ZNRF1: variants seen among roughly 807,000 people sequenced by gnomAD.
ZNRF1 encodes E3 ubiquitin-protein ligase ZNRF1.
Under a neutral mutation model 18.4 loss-of-function variants are expected in ZNRF1, and 3 were observed. That is an observed-to-expected ratio of 0.16 (90% CI 0.07 to 0.42). The LOEUF (loss-of-function observed/expected upper bound fraction) is 0.42, where lower values mean the gene tolerates loss of function less well. Ranked by LOEUF, ZNRF1 falls within the 10% of genes least tolerant of loss-of-function variation. The probability of loss-of-function intolerance (pLI) is 0.99; values close to 1 mark genes in which losing one functional copy is unlikely to be tolerated. For missense variants in ZNRF1, 310 were observed against 329.8 expected (o/e 0.94, Z 0.47); for synonymous variants, 157 against 144.2 (o/e 1.09, Z -0.64).
At chr16:75,060,473 C>CTTTTTTTTTTTTTTTTTTTTTTTT (rs34182819) in intron 1 of ZNRF1, among the ~76,000 whole-genome samples, 2 of 70,248 alleles carry the variant, frequency 2.8e-5, no homozygotes, top group Non-Finnish European at 5.2e-5. Flanking sequence ...CTCAGAAAAT[C>CTTTTTTTTTTTTTTTTTTTTTTTT]TTTTTTTTTT....
At chr16:75,035,939 G>A (rs1346224525) in intron 1 of ZNRF1, among the ~76,000 whole-genome samples, 1 of 152,130 alleles carries the variant, frequency 6.6e-6, no homozygotes, top group Non-Finnish European at 1.5e-5. Context: ...AGAGCTTATT[G>A]GGATCACCAG....
chr16:75,081,034 G>A (rs990308358), intron 1 of ZNRF1, among the ~76,000 whole-genome samples: 6 of 152,086 alleles, frequency 3.9e-5, no homozygotes, highest in African/African-American at 9.7e-5. Context: ...TTAGCCGGGC[G>A]TGGTGGTGCG....
chr16:75,034,289 A>C lies in ZNRF1; in HGVS notation c.424+34194A>C, dbSNP rs577479666. On this transcript the variant is annotated intron_variant, in intron 1 of 4. Coordinates refer to ENST00000335325, the MANE Select transcript of ZNRF1 (RefSeq NM_032268.5). Reference sequence around the variant, plus strand: ...GCCAAACTATAACTCTGTACCCATTAAACAACTGCTTTCCATTTCCCTCTC... The same window carrying C: ...GCCAAACTATAACTCTGTACCCATTCAACAACTGCTTTCCATTTCCCTCTC... 9.8e-5 allele frequency among the ~76,000 whole-genome samples: 15 copies of C among 152,322 alleles called. No homozygotes were observed. The South Asian group carries it at 2.5e-3, about 25-fold the overall frequency.
rs1474354734 is a variant in ZNRF1 at position 75,106,555 on chromosome 16, G to A, written c.*16G>A. On this transcript the variant is annotated 3_prime_UTR_variant, in exon 4 of 5. Coordinates refer to ENST00000335325, the MANE Select transcript of ZNRF1 (RefSeq NM_032268.5). The stretch of plus-strand genomic sequence containing the variant: ...TGCGGACTGACCTGCGGGCTTGCTT[G>A]CTGACTCCTCTCAAAGGTGAGCCCG... 5.6e-6 allele frequency: 9 copies of A among 1,613,970 alleles called. No individual in the cohort carries two copies. The highest frequency in any genetic ancestry group is 1.3e-5 in the African/African-American group (1 of 74,912).
intron 1 of ZNRF1, among the ~76,000 whole-genome samples, chr16:75,002,973 G>T (rs1164384454): frequency 6.6e-6 from 1 of 152,050 alleles, no homozygotes; most frequent in African/African-American, 2.4e-5. Context: ...TTTTTTTTGA[G>T]ACAGAGTTTC....
intron 1 of ZNRF1, among the ~76,000 whole-genome samples, chr16:75,058,204 C>T (rs1434721342): frequency 6.6e-6 from 1 of 151,340 alleles, no homozygotes; most frequent in Non-Finnish European, 1.5e-5. Context: ...AACTCCTGGT[C>T]CCATGCAGTC....
intron 1 of ZNRF1, among the ~76,000 whole-genome samples, chr16:75,002,720 G>C (rs182177880): frequency 1.3e-5 from 2 of 152,284 alleles, no homozygotes; most frequent in East Asian, 3.9e-4. Flanking sequence ...TCACCCTCAC[G>C]AGCTCCAGCC....
At chr16:75,104,713 C>A in intron 2 of ZNRF1, 71 bp from the exon 3 acceptor site, 2 of 1,356,876 alleles carry the variant, frequency 1.5e-6, no homozygotes, top group Admixed American at 2.0e-5. Context: ...AGTTCCTAGG[C>A]CCTTGCTTGC....
chr16:75,018,254 A>C (rs879943454), intron 1 of ZNRF1, among the ~76,000 whole-genome samples: 7 of 152,218 alleles, frequency 4.6e-5, no homozygotes, highest in Non-Finnish European at 1.0e-4. Flanking sequence ...TACTGTTAAT[A>C]GTAGCTTTTA....
chr16:75,064,974 G>A (rs2035784530), intron 1 of ZNRF1, among the ~76,000 whole-genome samples: 1 of 152,190 alleles, frequency 6.6e-6, no homozygotes, highest in Non-Finnish European at 1.5e-5. Flanking sequence ...TGCAAACCTG[G>A]TCCTGCAGGA....
chr16:75,066,552 C>T (rs1211054595), intron 1 of ZNRF1, among the ~76,000 whole-genome samples: 2 of 152,188 alleles, frequency 1.3e-5, no homozygotes, highest in Non-Finnish European at 2.9e-5. Flanking sequence ...ACCTAGGCTG[C>T]AGTGCAGTGG....
rs1327987375 is a variant in ZNRF1, at chr16:75,010,711, GTTTTTTTGTTTT to G, written c.424+10624_424+10635del. 2.7e-3 allele frequency among the ~76,000 whole-genome samples: 204 copies of G among 74,350 alleles called. 4 individuals are homozygous for G. Among genetic ancestry groups the G allele is most frequent in the Middle Eastern group, 0.026 (2 of 78 alleles). The allele number at this position is 74,350 out of a possible 152,430, so 48.8% of individuals were successfully genotyped here. A position where few individuals can be genotyped will look rare whatever the true frequency, so the allele number is the denominator to read the frequency against. On this transcript the variant is annotated intron_variant, in intron 1 of 4. Transcript: ENST00000335325. ...CCTCTGTACTGTACTGTTTTTTTTT[GTTTTTTTGTTTT>G]TTTTTTTTTGAGGAGTCTCGCTCTG...
chr16:75,070,013 A>G (rs930662140), intron 1 of ZNRF1, among the ~76,000 whole-genome samples: 2 of 152,240 alleles, frequency 1.3e-5, no homozygotes, highest in Non-Finnish European at 2.9e-5. Flanking sequence ...CTAAGCTAAT[A>G]ACATGTCCAA....
chr16:75,020,285 C>T (rs192592583), intron 1 of ZNRF1, among the ~76,000 whole-genome samples: 1 of 151,886 alleles, frequency 6.6e-6, no homozygotes, highest in Admixed American at 6.6e-5. Context: ...TTCTCTATGT[C>T]CTAATGTCTT....
chr16:75,088,351 A>C (rs2036098104), intron 1 of ZNRF1, among the ~76,000 whole-genome samples: 1 of 152,162 alleles, frequency 6.6e-6, no homozygotes, highest in Non-Finnish European at 1.5e-5. Flanking sequence ...TTCCATTTAA[A>C]AGGTCATCTG....
At chr16:75,075,760 T>A (rs113140824) in intron 1 of ZNRF1, among the ~76,000 whole-genome samples, 2 of 152,354 alleles carry the variant, frequency 1.3e-5, no homozygotes, top group African/African-American at 4.8e-5. Flanking sequence ...GAGGGTCACC[T>A]TTCTCACATG....
chr16:75,059,237 TTTTTTTTC>T (rs1567481756), intron 1 of ZNRF1, among the ~76,000 whole-genome samples: 7 of 109,100 alleles, frequency 6.4e-5, no homozygotes, highest in Non-Finnish European at 1.1e-4. Flanking sequence ...TTCTTTTTTT[TTTTTTTTC>T]TTTTTTTTTT....
chr16:75,016,139 C>G (rs2035063989), intron 1 of ZNRF1, among the ~76,000 whole-genome samples: 1 of 151,822 alleles, frequency 6.6e-6, no homozygotes, highest in Non-Finnish European at 1.5e-5. Context: ...CCAGGATGGT[C>G]TTGATCTCCT....
In ZNRF1 at chr16:75,095,822, A is replaced by G. The variant is rs999696506; in HGVS notation, c.520+2155A>G. 36 of 1,385,186 alleles carry G rather than the reference A, an allele frequency of 2.6e-5. No individual in the cohort carries two copies. The Admixed American group carries it at 5.3e-4, about 20-fold the overall frequency. 85.8% of individuals were successfully genotyped at this position (1,385,186 alleles called of 1,614,324 possible). A position where few individuals can be genotyped will look rare whatever the true frequency, so the allele number is the denominator to read the frequency against. On this transcript the variant is annotated intron_variant, in intron 2 of 4. Transcript: ENST00000335325. ...CATGTGTCCCCCTGTCCCCCTCTGT[A>G]TCAGCACTTGAGTGCCTGGCGCTGT...
Sources: allele counts gnomAD v4.1 joint callset (sites outside exome capture counted in the v4.1 genomes callset), GRCh38; gene constraint gnomAD v4.1.1; transcripts MANE v1.5; gene names NCBI Gene and HGNC (gene_info 2026-07-23, HGNC 2026-07-21).